Variants in BNC2 observed in about 807,000 individuals in gnomAD.
BNC2 encodes basonuclin zinc finger protein 2.
In BNC2, 20 loss-of-function variants were observed where a neutral mutation model predicts 76.3. The observed-to-expected ratio is 0.26, with a 90% confidence interval of 0.18 to 0.38. BNC2 has a LOEUF of 0.38. Ranked by LOEUF, BNC2 falls within the 10% of genes least tolerant of loss-of-function variation. The pLI, the probability that BNC2 is intolerant of heterozygous loss-of-function variation, is 1.00. For missense variants in BNC2, 1,382 were observed against 1,399.8 expected (o/e 0.99, Z 0.20); for synonymous variants, 582 against 514.8 (o/e 1.13, Z -1.77).
At chr9:16,813,026 T>C (rs1015326954) in intron 1 of BNC2, among the ~76,000 whole-genome samples, 6 of 151,922 alleles carry the variant, frequency 3.9e-5, no homozygotes, top group African/African-American at 9.7e-5. Flanking sequence ...CTGGCCAACA[T>C]GGTGAAACCC....
At chr9:16,511,186 T>C (rs1822746319) in intron 5 of BNC2, among the ~76,000 whole-genome samples, 2 of 147,742 alleles carry the variant, frequency 1.4e-5, no homozygotes, top group African/African-American at 2.5e-5. Flanking sequence ...CATACCTCAC[T>C]ACAGCCTCAA....
intron 5 of BNC2, among the ~76,000 whole-genome samples, chr9:16,461,392 G>A (rs201363181): frequency 6.6e-6 from 1 of 152,290 alleles, no homozygotes; most frequent in East Asian, 1.9e-4. Context: ...TCACAGAACA[G>A]AGAAGCCACT....
chr9:16,529,465 A>G (rs1817911849), intron 5 of BNC2, among the ~76,000 whole-genome samples: 1 of 152,182 alleles, frequency 6.6e-6, no homozygotes, highest in South Asian at 2.1e-4. Flanking sequence ...ACATTACTGC[A>G]ATGTTTCAAT....
rs375045887 is a variant in BNC2 at position 16,552,608 on chromosome 9, C to T, written c.591G>A (p.Leu197=). 7.7e-5 allele frequency: 124 copies of T among 1,614,096 alleles called. No homozygotes were observed. Among genetic ancestry groups the T allele is most frequent in the Middle Eastern group, 3.3e-4 (2 of 6,084 alleles). ...KILLDRLFSV[L]KQEEVLHILH... Reference sequence around the variant, plus strand: ...GTATGTGCAGTACCTCCTCTTGCTTCAGGACGCTGAAGAGACGGTCCAGCA... The same window carrying T: ...GTATGTGCAGTACCTCCTCTTGCTTTAGGACGCTGAAGAGACGGTCCAGCA... Residue 197 remains leucine, a synonymous_variant, in exon 5 of 7, where the codon CTG becomes CTA. Coordinates refer to ENST00000380672, the MANE Select transcript of BNC2 (RefSeq NM_017637.6).
intron 3 of BNC2, among the ~76,000 whole-genome samples, chr9:16,674,570 T>G (rs1476903402): frequency 6.6e-6 from 1 of 152,076 alleles, no homozygotes; most frequent in South Asian, 2.1e-4. Context: ...GGTTTTTACT[T>G]GTCTTTGATA....
intron 1 of BNC2, among the ~76,000 whole-genome samples, chr9:16,801,598 C>G (rs1018133155): frequency 2.0e-5 from 3 of 152,006 alleles, no homozygotes; most frequent in Admixed American, 1.3e-4. Flanking sequence ...ACCTCAAGTA[C>G]TTAACCTAGA....
chr9:16,582,097 T>G (rs1015021849), intron 4 of BNC2, among the ~76,000 whole-genome samples: 5 of 152,160 alleles, frequency 3.3e-5, no homozygotes, highest in Admixed American at 3.3e-4. Context: ...TGGCACTGCT[T>G]GGGAATGAAG....
chr9:16,697,868 C>A lies in BNC2; in HGVS notation c.330+29929G>T, dbSNP rs542587397. ...AAAATTAAGTATTGATTGCCACGTA[C>A]CTGGAAAGAAAGTCAGTCATCAGCC... On this transcript the variant is annotated intron_variant, in intron 3 of 6. Transcript: ENST00000380672. Among the ~76,000 whole-genome samples, 13 of 152,180 alleles carry A rather than the reference C, an allele frequency of 8.5e-5. No homozygotes were observed. The East Asian group carries it at 1.7e-3, about 20-fold the overall frequency.
intron 1 of BNC2, among the ~76,000 whole-genome samples, chr9:16,848,640 T>C (rs113372568): frequency 2.2e-4 from 34 of 152,252 alleles, no homozygotes; most frequent in African/African-American, 7.2e-4. Context: ...TAAAACAATG[T>C]AGGAAATCTA....
At chr9:16,814,843 T>C (rs952241745) in intron 1 of BNC2, among the ~76,000 whole-genome samples, 1 of 152,170 alleles carries the variant, frequency 6.6e-6, no homozygotes, top group Non-Finnish European at 1.5e-5. Flanking sequence ...ATCTGTCCAT[T>C]GGGATTGACA....
chr9:16,726,235 T>C (rs1824314705), intron 3 of BNC2, among the ~76,000 whole-genome samples: 1 of 152,192 alleles, frequency 6.6e-6, no homozygotes, highest in Admixed American at 6.5e-5. Context: ...AATGGGAAAT[T>C]GCACATGAAG....
chr9:16,436,222 C>A lies in BNC2; in HGVS notation c.1972G>T (p.Asp658Tyr). The A allele has an allele frequency of 6.2e-7, 1 of 1,614,168 alleles. No individual in the cohort carries two copies. ...ACAGCTCCACCATCATTGGGGTCAT[C>A]ATCTTCATCATCAAACTCATCGGCG... ...DTADEFDDED[D>Y]DPNDGGAVVN... is the part of the protein sequence containing the mutation. Residue 658 changes from aspartate (D) to tyrosine (Y), a missense_variant, in exon 6 of 7, where the codon GAT becomes TAT. By Grantham distance (160) the Asp-to-Tyr change is radical. Transcript: ENST00000380672.
chr9:16,479,204 T>C (rs947971957), intron 5 of BNC2, among the ~76,000 whole-genome samples: 1 of 145,364 alleles, frequency 6.9e-6, no homozygotes, highest in African/African-American at 2.6e-5. Flanking sequence ...GTGAGCCCAC[T>C]GCGCCACTGT....
intron 3 of BNC2, among the ~76,000 whole-genome samples, chr9:16,657,664 G>C (rs1161955781): frequency 6.6e-6 from 1 of 152,130 alleles, no homozygotes; most frequent in Admixed American, 6.5e-5. Context: ...ATTAATAATA[G>C]GAAAGAATTA....
At chr9:16,585,326 G>T (rs983365209) in intron 3 of BNC2, among the ~76,000 whole-genome samples, 1 of 151,818 alleles carries the variant, frequency 6.6e-6, no homozygotes, top group Non-Finnish European at 1.5e-5. Flanking sequence ...TGGTACATTC[G>T]GGAATTCAAC....
intron 1 of BNC2, among the ~76,000 whole-genome samples, chr9:16,823,201 C>T (rs934133306): frequency 1.3e-5 from 2 of 152,142 alleles, no homozygotes; most frequent in Non-Finnish European, 2.9e-5. Flanking sequence ...TCTTATTAAA[C>T]TCTCTTCAGT....
intron 1 of BNC2, among the ~76,000 whole-genome samples, chr9:16,762,721 G>A (rs888100508): frequency 2.0e-5 from 3 of 152,146 alleles, no homozygotes; most frequent in Admixed American, 6.5e-5. Flanking sequence ...TAACCTGACC[G>A]CTTAAGGTCC....
chr9:16,654,644 T>C (rs369634468), intron 3 of BNC2, among the ~76,000 whole-genome samples: 2 of 152,044 alleles, frequency 1.3e-5, no homozygotes, highest in East Asian at 1.9e-4. Flanking sequence ...AATATTAACA[T>C]ATAGGTTGCT....
At position 16,779,692 on chromosome 9, in the gene BNC2, G is replaced by C. The variant is rs376948250; in HGVS notation, c.4-41207C>G. ...AAAATATTGATATATGGCACAACAT[G>C]GATGAACCTTGAAAATATAAAAAGA... is the stretch of plus-strand genomic sequence containing the variant. On this transcript the variant is annotated intron_variant, in intron 1 of 6. Coordinates refer to ENST00000380672, the MANE Select transcript of BNC2 (RefSeq NM_017637.6). Among the ~76,000 whole-genome samples the C allele has an allele frequency of 3.3e-5, 5 of 152,284 alleles. No homozygotes were observed. In the East Asian group the frequency reaches 9.7e-4, roughly 29 times the overall value.
Sources: allele counts gnomAD v4.1 joint callset (sites outside exome capture counted in the v4.1 genomes callset), GRCh38; gene constraint gnomAD v4.1.1; transcripts MANE v1.5; gene names NCBI Gene and HGNC (gene_info 2026-07-23, HGNC 2026-07-21).